Variants in TLK1 observed in about 807,000 individuals in gnomAD.
TLK1 encodes serine/threonine-protein kinase tousled-like 1.
TLK1 carries 24 observed loss-of-function variants against 105.3 expected under a neutral mutation model. The observed-to-expected ratio is 0.23, with a 90% CI of 0.17 to 0.32. The LOEUF (loss-of-function observed/expected upper bound fraction) is 0.32. TLK1 is among the 10% of genes least tolerant of loss of function. The pLI is 1.00. For synonymous variants in TLK1, 321 were observed against 310.4 expected, an observed-to-expected ratio of 1.03 and a Z score of -0.36; for missense variants, 558 against 910.5, an observed-to-expected ratio of 0.61 and a Z score of 4.98.
chr2:171,138,906 T>C (rs1691455312), intron 1 of TLK1, among the ~76,000 whole-genome samples: 1 of 152,218 alleles, frequency 6.6e-6, no homozygotes, highest in Non-Finnish European at 1.5e-5. Context: ...CATATTTTTT[T>C]ACTAAATAAT....
At chr2:171,147,923 C>CTCTGTCTCCCT (rs1691857423) in intron 1 of TLK1, among the ~76,000 whole-genome samples, 1 of 151,506 alleles carries the variant, frequency 6.6e-6, no homozygotes, top group Non-Finnish European at 1.5e-5. Context: ...CAGAGTCTCA[C>CTCTGTCTCCCT]TCTGTCTCCC....
chr2:171,108,068 C>A (rs1346479587), intron 2 of TLK1, among the ~76,000 whole-genome samples: 57 of 116,972 alleles, frequency 4.9e-4, no homozygotes, highest in Admixed American at 1.7e-3. Flanking sequence ...AAAAAAAAAA[C>A]AACAACAACA....
At chr2:171,090,993 C>A (rs78973712) in intron 2 of TLK1, among the ~76,000 whole-genome samples, 1 of 152,196 alleles carries the variant, frequency 6.6e-6, no homozygotes, top group Non-Finnish European at 1.5e-5. Context: ...AGATGGCCAT[C>A]ATATCAGAAA....
intron 1 of TLK1, among the ~76,000 whole-genome samples, chr2:171,217,982 G>T (rs1693744313): frequency 6.6e-6 from 1 of 152,178 alleles, no homozygotes; most frequent in Non-Finnish European, 1.5e-5. Flanking sequence ...GGCCGGGCAT[G>T]GTGGTTCATG....
intron 3 of TLK1, among the ~76,000 whole-genome samples, chr2:171,075,671 C>G (rs1232592009): frequency 6.6e-6 from 1 of 152,104 alleles, no homozygotes; most frequent in Non-Finnish European, 1.5e-5. Flanking sequence ...TGTTCAGTCA[C>G]AAATATCCCA....
At chr2:171,153,266 T>C (rs1248348621) in intron 1 of TLK1, among the ~76,000 whole-genome samples, 1 of 152,224 alleles carries the variant, frequency 6.6e-6, no homozygotes, top group Non-Finnish European at 1.5e-5. Context: ...CATCTGAAGA[T>C]GGGAATAACA....
chr2:171,212,923 T>C (rs188661500), intron 1 of TLK1, among the ~76,000 whole-genome samples: 6 of 152,074 alleles, frequency 3.9e-5, no homozygotes, highest in Admixed American at 2.0e-4. Context: ...GCAAAATGTA[T>C]TTAACATGAA....
chr2:171,185,090 T>C (rs1442499033), intron 1 of TLK1, among the ~76,000 whole-genome samples: 3 of 152,164 alleles, frequency 2.0e-5, no homozygotes, highest in East Asian at 1.9e-4. Context: ...CTGCCCGCCT[T>C]GGCCTCCCAA....
chr2:171,142,167 T>C (rs1691603556), intron 1 of TLK1, among the ~76,000 whole-genome samples: 2 of 147,324 alleles, frequency 1.4e-5, no homozygotes, highest in Admixed American at 1.3e-4. Context: ...GGTCTAACTA[T>C]TAAGCCAAGT....
Position 170,995,742 on chromosome 2 carries a change from G to A in TLK1, c.2124+911C>T, listed in dbSNP as rs535092796. Among the ~76,000 whole-genome samples, 8 of 152,028 alleles carry A rather than the reference G, an allele frequency of 5.3e-5. 1 individual carries two copies. The highest frequency in any genetic ancestry group is 3.9e-4 in the East Asian group (2 of 5,166). On this transcript the variant is annotated intron_variant, in intron 20 of 20. Coordinates refer to ENST00000431350, the MANE Select transcript of TLK1 (RefSeq NM_012290.5). ...TTTTGAGAATGGGTCTTGCTATGTC[G>A]CCCATGCAGGAGTGCAGTGGTGCGA...
intron 1 of TLK1, among the ~76,000 whole-genome samples, chr2:171,175,733 A>G (rs1426196725): frequency 6.6e-6 from 1 of 151,732 alleles, no homozygotes; most frequent in East Asian, 1.9e-4. Flanking sequence ...TTCTTCTTAA[A>G]CCTCTGTCTT....
chr2:171,205,323 C>A (rs75821864), intron 1 of TLK1, among the ~76,000 whole-genome samples: 20 of 145,964 alleles, frequency 1.4e-4, no homozygotes, highest in African/African-American at 3.8e-4. Flanking sequence ...TCTAAGACAG[C>A]TTTTTTTTTT....
intron 1 of TLK1, among the ~76,000 whole-genome samples, chr2:171,183,429 ACTCT>A (rs1430870253): frequency 6.6e-6 from 1 of 151,526 alleles, no homozygotes; most frequent in Non-Finnish European, 1.5e-5. Flanking sequence ...TAGCTTTCTT[ACTCT>A]CTGTTTATTA....
intron 1 of TLK1, among the ~76,000 whole-genome samples, chr2:171,180,237 C>A (rs926756283): frequency 3.3e-5 from 5 of 151,600 alleles, no homozygotes; most frequent in Non-Finnish European, 7.4e-5. Context: ...AAAAAAATTG[C>A]CCCCCGGGTC....
At chr2:171,137,275 C>T (rs537506700) in intron 1 of TLK1, among the ~76,000 whole-genome samples, 1 of 151,242 alleles carries the variant, frequency 6.6e-6, no homozygotes, top group South Asian at 2.1e-4. Context: ...GAGTGAGACC[C>T]TGTTTCAAAA....
intron 12 of TLK1, among the ~76,000 whole-genome samples, chr2:171,024,479 T>C (rs1191026168): frequency 6.6e-6 from 1 of 152,090 alleles, no homozygotes; most frequent in Non-Finnish European, 1.5e-5. Context: ...GAAAATGAAA[T>C]AGCACGTTCA....
intron 14 of TLK1, 54 bp downstream of exon 14, chr2:171,011,319 C>G: frequency 6.9e-7 from 1 of 1,454,696 alleles, no homozygotes; most frequent in African/African-American, 1.4e-5. Context: ...TAACCACATA[C>G]TCCTATATCC....
At chr2:171,064,372 G>C (rs994589647) in intron 3 of TLK1, among the ~76,000 whole-genome samples, 3 of 151,874 alleles carry the variant, frequency 2.0e-5, no homozygotes, top group Admixed American at 1.3e-4. Context: ...GATTTCCTTT[G>C]AAAAAATAGT....
chr2:171,187,057 C>CA (rs71013019), intron 1 of TLK1, among the ~76,000 whole-genome samples: 13,504 of 33,880 alleles, frequency 0.4, 3,957 homozygotes, highest in Non-Finnish European at 0.5. Flanking sequence ...GACTCTGTCT[C>CA]AAAAAAAAAA....
Sources: allele counts gnomAD v4.1 joint callset (sites outside exome capture counted in the v4.1 genomes callset), GRCh38; gene constraint gnomAD v4.1.1; transcripts MANE v1.5; gene names NCBI Gene and HGNC (gene_info 2026-07-23, HGNC 2026-07-21).